GRHL2: variants seen among roughly 807,000 people sequenced by gnomAD.
The protein encoded by GRHL2 is grainyhead like transcription factor 2, also known as grainyhead-like protein 2 homolog.
GRHL2 carries 21 observed loss-of-function variants against 83.8 expected under a neutral mutation model. The ratio of observed to expected loss-of-function variants is 0.25; its 90% CI spans 0.18 to 0.36. The LOEUF is 0.36. Ranked by LOEUF, GRHL2 falls within the 10% of genes least tolerant of loss-of-function variation. The pLI is 1.00. For missense variants in GRHL2, 623 were observed against 781.8 expected (o/e 0.80, Z 2.42); for synonymous variants, 280 against 278.9 (o/e 1.00, Z -0.04).
chr8:101,673,680 T>C (rs932628851), downstream of GRHL2, among the ~76,000 whole-genome samples: 22 of 151,986 alleles, frequency 1.4e-4, 1 homozygote, highest in African/African-American at 5.1e-4. Context: ...TACCCAGGAA[T>C]TGAACTCAGC....
the GRHL2 span, among the ~76,000 whole-genome samples, chr8:101,675,758 C>A: frequency 5.3e-5 from 8 of 152,120 alleles, no homozygotes; most frequent in Non-Finnish European, 1.0e-4. Context: ...CCAAGTCAAT[C>A]CTAAGCCGAA....
At chr8:101,503,480 A>G (rs1347058620) in intron 1 of GRHL2, among the ~76,000 whole-genome samples, 1 of 152,194 alleles carries the variant, frequency 6.6e-6, no homozygotes, top group African/African-American at 2.4e-5. Flanking sequence ...AATTAACAAA[A>G]CCGGGTTCGG....
At chr8:101,546,088 G>A (rs949193261) in intron 2 of GRHL2, among the ~76,000 whole-genome samples, 1 of 151,784 alleles carries the variant, frequency 6.6e-6, no homozygotes, top group Admixed American at 6.6e-5. Context: ...CGCCATATTG[G>A]CCAGGATGGT....
intron 8 of GRHL2, among the ~76,000 whole-genome samples, chr8:101,617,722 C>A (rs969087611): frequency 6.6e-6 from 1 of 152,158 alleles, no homozygotes; most frequent in African/African-American, 2.4e-5. Context: ...CCAGGCTGAT[C>A]TCAAACTCCT....
At chr8:101,533,642 G>T (rs1315539149) in intron 1 of GRHL2, among the ~76,000 whole-genome samples, 2 of 152,224 alleles carry the variant, frequency 1.3e-5, no homozygotes, top group African/African-American at 4.8e-5. Flanking sequence ...AAGGGAGATA[G>T]AAAGTTTTAA....
intron 4 of GRHL2, among the ~76,000 whole-genome samples, chr8:101,560,046 C>A (rs561069631): frequency 6.6e-6 from 1 of 152,112 alleles, no homozygotes; most frequent in Non-Finnish European, 1.5e-5. Flanking sequence ...CACTGTGTGG[C>A]CCAGGCTGGA....
At chr8:101,498,091 T>C (rs1406237642) in intron 1 of GRHL2, among the ~76,000 whole-genome samples, 1 of 152,190 alleles carries the variant, frequency 6.6e-6, no homozygotes, top group Non-Finnish European at 1.5e-5. Context: ...TGCGAGCTGG[T>C]GTTCAATTTT....
At chr8:101,493,049 G>A (rs1810000504) in intron 1 of GRHL2, among the ~76,000 whole-genome samples, 1 of 152,036 alleles carries the variant, frequency 6.6e-6, no homozygotes, top group Non-Finnish European at 1.5e-5. Context: ...CTTCCCTTAG[G>A]AATGGTCTCA....
intron 1 of GRHL2, chr8:101,542,935 G>T: frequency 2.3e-6 from 1 of 441,968 alleles, no homozygotes; most frequent in Non-Finnish European, 4.4e-6. Flanking sequence ...CACCATGTGG[G>T]AGCCCTACCT....
At chr8:101,507,133 T>A (rs1300611742) in intron 1 of GRHL2, among the ~76,000 whole-genome samples, 2 of 152,196 alleles carry the variant, frequency 1.3e-5, no homozygotes, top group East Asian at 3.8e-4. Context: ...TAAATTGAGA[T>A]ACTCATATTT....
rs139237691 is a variant in GRHL2 at position 101,605,142 on chromosome 8, ATCTGTTTTTATC to A, written c.1098+5998_1098+6009del. Among the ~76,000 whole-genome samples the A allele has an allele frequency of 7.2e-5, 11 of 152,320 alleles. No homozygotes were observed. In the East Asian group the frequency reaches 2.1e-3, roughly 29 times the overall value. ...AAAGGGCCAAGGACACAAGTAAGGC[ATCTGTTTTTATC>A]TCTGTTAACAAATTTTCCTAATGAG... is the stretch of plus-strand genomic sequence containing the variant. On this transcript the variant is annotated intron_variant, in intron 8 of 15. Transcript: ENST00000646743.
At chr8:101,518,215 C>G (rs1033477704) in intron 1 of GRHL2, among the ~76,000 whole-genome samples, 1 of 152,168 alleles carries the variant, frequency 6.6e-6, no homozygotes, top group Non-Finnish European at 1.5e-5. Flanking sequence ...ATTAATCCAG[C>G]CTGGTCAACG....
chr8:101,546,875 G>GT (rs1212530480), intron 2 of GRHL2, among the ~76,000 whole-genome samples: 1 of 152,162 alleles, frequency 6.6e-6, no homozygotes, highest in African/African-American at 2.4e-5. Context: ...ATTGCTTTCT[G>GT]TAACTATTCT....
intron 1 of GRHL2, among the ~76,000 whole-genome samples, chr8:101,494,454 G>C (rs1377739870): frequency 6.6e-6 from 1 of 152,154 alleles, no homozygotes. Flanking sequence ...GTCAGAGGCA[G>C]GGTAGGAAGA....
At chr8:101,559,353 C>CAAAAAAAAAAAAA (rs34176940) in intron 4 of GRHL2, among the ~76,000 whole-genome samples, 3 of 88,942 alleles carry the variant, frequency 3.4e-5, no homozygotes, top group African/African-American at 8.3e-5. Flanking sequence ...ACTAAAAATA[C>CAAAAAAAAAAAAA]AAAAAAAAAA....
chr8:101,503,046 G>A (rs1810263997), intron 1 of GRHL2, among the ~76,000 whole-genome samples: 1 of 152,130 alleles, frequency 6.6e-6, no homozygotes, highest in South Asian at 2.1e-4. Flanking sequence ...GGCACACAAT[G>A]ATCATTTATT....
At chr8:101,594,089 AAAAAAAAAAG>A (rs1353386985) in intron 7 of GRHL2, among the ~76,000 whole-genome samples, 17 of 140,382 alleles carry the variant, frequency 1.2e-4, no homozygotes, top group African/African-American at 4.2e-4. Context: ...AAAAAAAAAA[AAAAAAAAAAG>A]AGAGAGATAG....
In GRHL2 at chr8:101,552,715, G is replaced by A. The variant is rs199713024; in HGVS notation, c.217G>A (p.Val73Ile). 83 of 1,613,866 alleles carry A rather than the reference G, an allele frequency of 5.1e-5. No homozygotes were observed. The highest frequency in any genetic ancestry group is 6.9e-5 in the Non-Finnish European group (81 of 1,179,962). Residue 73 changes from valine to isoleucine, a missense_variant and splice_region_variant, in exon 3 of 16, where the codon GTT (valine) becomes ATT (isoleucine). This residue lies in a region of GRHL2 where 239 missense variants were observed against 240.5 expected (regional missense o/e 0.99). Coordinates refer to ENST00000646743, the MANE Select transcript of GRHL2 (RefSeq NM_024915.4). The stretch of plus-strand genomic sequence containing the variant: ...GACTGATGGTTGGTGATGTTTCCAG[G>A]TTCCTCGAGACAAGAGGCTGCTGTC... ...ALGLLYDYYK[V>I]PRDKRLLSVS... is the part of the protein sequence containing the mutation.
intron 8 of GRHL2, among the ~76,000 whole-genome samples, chr8:101,612,690 C>T (rs922478616): frequency 5.3e-5 from 8 of 150,908 alleles, no homozygotes; most frequent in African/African-American, 1.7e-4. Context: ...TTAATCTCTG[C>T]TCTTAGGAGG....
Sources: allele counts gnomAD v4.1 joint callset (sites outside exome capture counted in the v4.1 genomes callset), GRCh38; gene constraint gnomAD v4.1.1; regional missense constraint gnomAD v4.1.1; transcripts MANE v1.5; gene names NCBI Gene and HGNC (gene_info 2026-07-23, HGNC 2026-07-21).